MPPED2: variants seen among roughly 807,000 people sequenced by gnomAD.
The protein encoded by MPPED2 is metallophosphoesterase MPPED2.
Under a neutral mutation model 33.0 loss-of-function variants are expected in MPPED2, and 5 were observed. The observed-to-expected ratio is 0.15, with a 90% CI of 0.08 to 0.32. The LOEUF (loss-of-function observed/expected upper bound fraction) is 0.32, where lower values mean the gene tolerates loss of function less well. Among genes scored for constraint, MPPED2 ranks in the 10% least tolerant of loss-of-function variants. The probability of loss-of-function intolerance (pLI) is 1.00; values close to 1 mark genes in which losing one functional copy is unlikely to be tolerated. For missense variants in MPPED2, 275 were observed against 372.1 expected (o/e 0.74, Z 2.15); for synonymous variants, 136 against 141.9 (o/e 0.96, Z 0.29).
At chr11:30,431,233 T>C (rs1949064939) in intron 4 of MPPED2, among the ~76,000 whole-genome samples, 1 of 152,242 alleles carries the variant, frequency 6.6e-6, no homozygotes, top group Non-Finnish European at 1.5e-5. Context: ...TGTCTCTACA[T>C]TGAGCCTCTG....
chr11:30,434,507 G>A (rs986409978), intron 4 of MPPED2, among the ~76,000 whole-genome samples: 6 of 152,188 alleles, frequency 3.9e-5, no homozygotes, highest in African/African-American at 1.4e-4. Context: ...TCATCCTGGA[G>A]CAATAATTTT....
chr11:30,440,103 G>A (rs1949499377), intron 4 of MPPED2, among the ~76,000 whole-genome samples: 1 of 152,144 alleles, frequency 6.6e-6, no homozygotes, highest in African/African-American at 2.4e-5. Flanking sequence ...GCTGAGGCGG[G>A]GGGATTACCT....
chr11:30,387,004 A>G (rs1947711131), exon 7 of MPPED2: 1 of 378,794 alleles, frequency 2.6e-6, no homozygotes, highest in East Asian at 3.8e-5. Flanking sequence ...ACAAGGCCAC[A>G]TAGTTAGTAG....
Position 30,458,142 on chromosome 11 carries a change from T to C in MPPED2, c.536+37154A>G, listed in dbSNP as rs1185772363. Among the ~76,000 whole-genome samples, 5 of 152,158 alleles carry C rather than the reference T, an allele frequency of 3.3e-5. No homozygotes were observed. The East Asian group carries it at 5.8e-4, about 18-fold the overall frequency. On this transcript the variant is annotated intron_variant, in intron 4 of 6. Coordinates refer to ENST00000358117, the MANE Select transcript of MPPED2 (RefSeq NM_001584.3). ...TTTTCTCTCGTGCCTAATGAGAGAT[T>C]AAGATGAAATGATCTCAAAGGGCCT...
At chr11:30,520,080 G>A (rs1953771177) in intron 3 of MPPED2, among the ~76,000 whole-genome samples, 1 of 152,034 alleles carries the variant, frequency 6.6e-6, no homozygotes, top group Non-Finnish European at 1.5e-5. Flanking sequence ...AAACAAAGAA[G>A]GATAAGTGAG....
At chr11:30,501,636 T>A in intron 3 of MPPED2, 3 of 980,204 alleles carry the variant, frequency 3.1e-6, no homozygotes, top group Non-Finnish European at 3.6e-6. Flanking sequence ...CCAGACTGTT[T>A]CTCTCAAGAG....
intron 6 of MPPED2, among the ~76,000 whole-genome samples, chr11:30,403,261 G>GA (rs36016852): frequency 6.9e-6 from 1 of 145,456 alleles, no homozygotes; most frequent in Non-Finnish European, 1.5e-5. Context: ...AAAAAAAAAA[G>GA]AAAAGAAAAC....
At chr11:30,427,655 G>T (rs1014081123) in intron 4 of MPPED2, among the ~76,000 whole-genome samples, 8 of 137,710 alleles carry the variant, frequency 5.8e-5, no homozygotes, top group Non-Finnish European at 1.1e-4. Context: ...ATTCCTTGAT[G>T]GTCAGTGGAA....
Position 30,580,501 on chromosome 11 carries a change from G to GA in MPPED2, c.-121-8dup, listed in dbSNP as rs918401440. On this transcript the variant is annotated splice_polypyrimidine_tract_variant and splice_region_variant and intron_variant, in intron 1 of 6. Transcript: ENST00000358117. ...TCAATACCGCTGTGCATTTCTGAAA[G>GA]AAAAAAAAAATGTATATAAAATGAG... 4,383 of 1,249,784 alleles carry GA rather than the reference G, an allele frequency of 3.5e-3. 2 individuals carry two copies. Among genetic ancestry groups the GA allele is most frequent in the South Asian group, 0.012 (528 of 44,132 alleles). 77.4% of individuals were successfully genotyped at this position (1,249,784 alleles called of 1,614,324 possible). A position where few individuals can be genotyped will look rare whatever the true frequency, so the allele number is the denominator to read the frequency against.
At chr11:30,524,684 G>T (rs769245537) in intron 3 of MPPED2, among the ~76,000 whole-genome samples, 2 of 152,130 alleles carry the variant, frequency 1.3e-5, no homozygotes, top group African/African-American at 2.4e-5. Context: ...GTCTTTTTAG[G>T]CACCATAGAG....
At chr11:30,573,611 C>T (rs1407102788) in intron 2 of MPPED2, among the ~76,000 whole-genome samples, 1 of 152,104 alleles carries the variant, frequency 6.6e-6, no homozygotes, top group Admixed American at 6.6e-5. Context: ...TATGAATGAT[C>T]CTGACCCTAT....
intron 2 of MPPED2, among the ~76,000 whole-genome samples, chr11:30,539,120 T>C (rs1954966409): frequency 6.6e-6 from 1 of 152,232 alleles, no homozygotes. Context: ...TCCTCCCAAA[T>C]TGGGCATTTG....
Position 30,574,036 on chromosome 11 carries a change from GT to G in MPPED2, c.128+6209del, listed in dbSNP as rs577295727. On this transcript the variant is annotated intron_variant, in intron 2 of 6. Coordinates refer to ENST00000358117, the MANE Select transcript of MPPED2 (RefSeq NM_001584.3). ...TAAAGTAAAAAAGCTACAGTAAGCT[GT>G]TTCTTACTTTATTGTTGAAGAAACA... is the stretch of plus-strand genomic sequence containing the variant. Among the ~76,000 whole-genome samples, 438 of 152,202 alleles carry G rather than the reference GT, an allele frequency of 2.9e-3. 4 individuals are homozygous for G. The highest frequency in any genetic ancestry group is 0.01 in the African/African-American group (417 of 41,524).
chr11:30,505,420 A>C lies in MPPED2; in HGVS notation c.311-9899T>G, dbSNP rs115452451. 6.8e-3 allele frequency among the ~76,000 whole-genome samples: 1,029 copies of C among 152,328 alleles called. 16 individuals are homozygous for C. Among genetic ancestry groups the C allele is most frequent in the African/African-American group, 0.022 (895 of 41,576 alleles). On this transcript the variant is annotated intron_variant, in intron 3 of 6. Transcript: ENST00000358117. The stretch of plus-strand genomic sequence containing the variant: ...TCTCTAAGTTGCCACCCAAATCAAC[A>C]TGGCATGTTCTAAATGGGAATCCCT...
intron 4 of MPPED2, among the ~76,000 whole-genome samples, chr11:30,442,208 G>T (rs1403633944): frequency 1.3e-5 from 2 of 152,224 alleles, no homozygotes; most frequent in Non-Finnish European, 2.9e-5. Context: ...AGGAGAAAAA[G>T]ATAGAAGAGT....
chr11:30,466,962 A>G (rs1424498305), intron 4 of MPPED2, among the ~76,000 whole-genome samples: 1 of 152,190 alleles, frequency 6.6e-6, no homozygotes, highest in African/African-American at 2.4e-5. Flanking sequence ...GTGTCATATT[A>G]TAACATACCC....
chr11:30,488,224 G>A (rs757348990), intron 4 of MPPED2, among the ~76,000 whole-genome samples: 2 of 152,184 alleles, frequency 1.3e-5, no homozygotes, highest in Non-Finnish European at 2.9e-5. Context: ...ACATACCCTG[G>A]TTAAAGAATT....
intron 4 of MPPED2, among the ~76,000 whole-genome samples, chr11:30,427,458 T>C (rs1015207839): frequency 6.6e-6 from 1 of 152,152 alleles, no homozygotes; most frequent in Non-Finnish European, 1.5e-5. Flanking sequence ...ACCTGCAAAA[T>C]AGACCCAAAG....
chr11:30,548,895 G>A (rs779664042), intron 2 of MPPED2, among the ~76,000 whole-genome samples: 1 of 152,146 alleles, frequency 6.6e-6, no homozygotes, highest in African/African-American at 2.4e-5. Context: ...CTACTTCACA[G>A]TTGTATGAAG....
Sources: allele counts gnomAD v4.1 joint callset (sites outside exome capture counted in the v4.1 genomes callset), GRCh38; gene constraint gnomAD v4.1.1; transcripts MANE v1.5; gene names NCBI Gene and HGNC (gene_info 2026-07-23, HGNC 2026-07-21).